Variants in CDH12 observed in about 807,000 individuals in gnomAD.
CDH12 encodes the protein cadherin-12.
In CDH12, 41 loss-of-function variants were observed where a neutral mutation model predicts 74.1. The ratio of observed to expected loss-of-function variants is 0.55; its 90% CI spans 0.43 to 0.72. The LOEUF (loss-of-function observed/expected upper bound fraction) is 0.72, where lower values mean the gene tolerates loss of function less well. Among genes scored for constraint, CDH12 ranks in the 30% least tolerant of loss-of-function variants. The pLI, the probability that CDH12 is intolerant of heterozygous loss-of-function variation, is 0.00. For synonymous variants in CDH12, 399 were observed against 355.0 expected (o/e 1.12, Z -1.39); for missense variants, 945 against 977.2 (o/e 0.97, Z 0.44).
intron 6 of CDH12, among the ~76,000 whole-genome samples, chr5:21,872,393 C>T (rs1352435651): frequency 1.3e-5 from 2 of 152,172 alleles, no homozygotes; most frequent in Non-Finnish European, 2.9e-5. Flanking sequence ...GCCAAGAATT[C>T]TATAGTACCA....
At chr5:22,204,919 C>T (rs1017062242) in intron 4 of CDH12, among the ~76,000 whole-genome samples, 7 of 152,110 alleles carry the variant, frequency 4.6e-5, no homozygotes, top group Admixed American at 1.3e-4. Flanking sequence ...TGGCAGACCA[C>T]AAGCATTGTG....
intron 3 of CDH12, among the ~76,000 whole-genome samples, chr5:22,358,730 G>T (rs1490638386): frequency 6.6e-6 from 1 of 152,138 alleles, no homozygotes; most frequent in African/African-American, 2.4e-5. Flanking sequence ...TATGTGATTT[G>T]TCTCACCCAT....
intron 1 of CDH12, among the ~76,000 whole-genome samples, chr5:22,623,276 A>T (rs534045341): frequency 8.4e-4 from 128 of 152,224 alleles, no homozygotes; most frequent in African/African-American, 2.8e-3. Context: ...AGGCTCTCTC[A>T]CCACTCCTAT....
chr5:22,486,966 C>T (rs939419196), intron 2 of CDH12, among the ~76,000 whole-genome samples: 4 of 152,036 alleles, frequency 2.6e-5, no homozygotes, highest in Non-Finnish European at 2.9e-5. Flanking sequence ...TCAGAGAGCG[C>T]CATGTCTGGG....
chr5:22,598,391 A>G (rs1736699952), intron 1 of CDH12, among the ~76,000 whole-genome samples: 1 of 152,072 alleles, frequency 6.6e-6, no homozygotes, highest in African/African-American at 2.4e-5. Context: ...TTCGCATGAG[A>G]TCTGATGGTT....
rs200960229 is a variant in CDH12 at position 22,654,236 on chromosome 5, G to GTTTCTTTC, written c.-522-148880_-522-148873dup. ...TTTCTTTTTGTTTCTTTGTTTCTTT[G>GTTTCTTTC]TTTCTTTCTTTCTTTCTCTTTCTTG... On this transcript the variant is annotated intron_variant, in intron 1 of 14. Transcript: ENST00000382254. Among the ~76,000 whole-genome samples the GTTTCTTTC allele has an allele frequency of 2.4e-4, 29 of 122,826 alleles. 1 individual carries two copies. The highest frequency in any genetic ancestry group is 1.1e-4 in the Non-Finnish European group (6 of 55,932). The allele number at this position is 122,826 out of a possible 152,430, so 80.6% of individuals were successfully genotyped here. A position where few individuals can be genotyped will look rare whatever the true frequency, so the allele number is the denominator to read the frequency against.
At chr5:22,536,109 G>A (rs1282975932) in intron 1 of CDH12, among the ~76,000 whole-genome samples, 1 of 152,058 alleles carries the variant, frequency 6.6e-6, no homozygotes, top group African/African-American at 2.4e-5. Context: ...GGTATTTGAG[G>A]GAAGTTCTAG....
chr5:21,903,060 G>A (rs1561286930), intron 6 of CDH12, among the ~76,000 whole-genome samples: 1 of 151,898 alleles, frequency 6.6e-6, no homozygotes, highest in Non-Finnish European at 1.5e-5. Flanking sequence ...TTAAGAAAAT[G>A]AAAACAACCA....
In CDH12 at chr5:22,655,553, T is replaced by C. The variant is rs187517280; in HGVS notation, c.-522-150189A>G. On this transcript the variant is annotated intron_variant, in intron 1 of 14. Transcript: ENST00000382254. ...CCATTTTGCATTTGTATATGTTGCC[T>C]TTTCTTTGAAGAAGGACCTACAATT... Among the ~76,000 whole-genome samples, 712 of 152,354 alleles carry C rather than the reference T, an allele frequency of 4.7e-3. 5 individuals are homozygous for C. The highest frequency in any genetic ancestry group is 6.1e-3 in the Non-Finnish European group (415 of 68,028).
chr5:21,857,363 T>C (rs1488627374), intron 6 of CDH12, among the ~76,000 whole-genome samples: 1 of 151,830 alleles, frequency 6.6e-6, no homozygotes, highest in African/African-American at 2.4e-5. Flanking sequence ...TGGTTATATC[T>C]GCAGAGAGAA....
intron 3 of CDH12, among the ~76,000 whole-genome samples, chr5:22,374,069 C>T (rs547817538): frequency 2.4e-4 from 37 of 152,210 alleles, no homozygotes; most frequent in Non-Finnish European, 4.1e-4. Flanking sequence ...CAACAAAATA[C>T]TAGCAAACTG....
chr5:21,833,112 CAT>C (rs1193589785), intron 8 of CDH12, among the ~76,000 whole-genome samples: 1 of 62,768 alleles, frequency 1.6e-5, no homozygotes, highest in Non-Finnish European at 2.7e-5. Flanking sequence ...TATTATATAA[CAT>C]ATAATATATA....
chr5:22,260,010 G>A (rs190842016), intron 3 of CDH12, among the ~76,000 whole-genome samples: 4 of 152,190 alleles, frequency 2.6e-5, no homozygotes, highest in Admixed American at 2.6e-4. Context: ...TAAAAAGTGA[G>A]CATGTGTGTC....
chr5:22,218,137 T>C (rs1362817079), intron 3 of CDH12, among the ~76,000 whole-genome samples: 1 of 151,740 alleles, frequency 6.6e-6, no homozygotes, highest in East Asian at 1.9e-4. Context: ...CCTAAAACAC[T>C]GTTCATGGGA....
chr5:22,401,692 T>G (rs1742735537), intron 3 of CDH12, among the ~76,000 whole-genome samples: 1 of 152,036 alleles, frequency 6.6e-6, no homozygotes, highest in African/African-American at 2.4e-5. Context: ...ACCCAGAATA[T>G]GTGAGGGTGA....
chr5:22,512,794 G>T (rs1736665092), intron 1 of CDH12, among the ~76,000 whole-genome samples: 1 of 152,122 alleles, frequency 6.6e-6, no homozygotes, highest in South Asian at 2.1e-4. Flanking sequence ...TGGGAGTGGT[G>T]GCTCACACCT....
chr5:22,583,758 T>A (rs1740226673), intron 1 of CDH12, among the ~76,000 whole-genome samples: 1 of 152,146 alleles, frequency 6.6e-6, no homozygotes, highest in Non-Finnish European at 1.5e-5. Context: ...TCATCCATAG[T>A]TTCCTAAAAC....
chr5:21,861,633 C>A, intron 6 of CDH12, among the ~76,000 whole-genome samples: 1 of 152,046 alleles, frequency 6.6e-6, no homozygotes, highest in East Asian at 1.9e-4. Flanking sequence ...TTTCAGCGGA[C>A]ACTTTGTTAA....
intron 3 of CDH12, among the ~76,000 whole-genome samples, chr5:22,286,586 A>C (rs1448830523): frequency 1.3e-5 from 2 of 152,194 alleles, no homozygotes; most frequent in Admixed American, 1.3e-4. Context: ...GAATGTCAAG[A>C]ATGATGAATA....
Sources: allele counts gnomAD v4.1 joint callset (sites outside exome capture counted in the v4.1 genomes callset), GRCh38; gene constraint gnomAD v4.1.1; transcripts MANE v1.5; gene names NCBI Gene and HGNC (gene_info 2026-07-23, HGNC 2026-07-21).